Variants in GOLPH3 observed in about 807,000 individuals in gnomAD.
GOLPH3 encodes golgi phosphoprotein 3.
In GOLPH3, 14 loss-of-function variants were observed where a neutral mutation model predicts 28.5. That is an observed-to-expected ratio of 0.49 (90% CI 0.32 to 0.77). The LOEUF (loss-of-function observed/expected upper bound fraction) is 0.77, where lower values mean the gene tolerates loss of function less well. Ranked by LOEUF, GOLPH3 falls within the 30% of genes least tolerant of loss-of-function variation. The pLI is 0.03. For synonymous variants in GOLPH3, 158 were observed against 159.2 expected (o/e 0.99, Z 0.06); for missense variants, 350 against 393.7 (o/e 0.89, Z 0.94).
intron 3 of GOLPH3, among the ~76,000 whole-genome samples, chr5:32,131,865 A>C (rs1276859957): frequency 6.6e-6 from 1 of 152,248 alleles, no homozygotes; most frequent in African/African-American, 2.4e-5. Context: ...AGCTTTGGCC[A>C]TAAATTTGGC....
chr5:32,146,842 A>G (rs2111862412), intron 1 of GOLPH3, among the ~76,000 whole-genome samples: 1 of 152,300 alleles, frequency 6.6e-6, no homozygotes, highest in East Asian at 1.9e-4. Context: ...CCTGGGCCAT[A>G]CTGGAAGAAT....
rs566002105 is a variant in GOLPH3, at chr5:32,174,067, G to A, written c.-33C>T. ...GCCGAGGCGCCGAGCCGGGCCGAGA[G>A]GGTCGCAGGACCGACCGGGTCGCCC... is the stretch of plus-strand genomic sequence containing the variant. On this transcript the variant is annotated 5_prime_UTR_variant, in exon 1 of 4. Coordinates refer to ENST00000265070, the MANE Select transcript of GOLPH3 (RefSeq NM_022130.4). The A allele has an allele frequency of 2.4e-6, 3 of 1,268,268 alleles. No individual in the cohort carries two copies. Among genetic ancestry groups the A allele is most frequent in the African/African-American group, 1.6e-5 (1 of 64,248 alleles). 78.6% of individuals were successfully genotyped at this position (1,268,268 alleles called of 1,614,324 possible).
chr5:32,163,077 CAAAAATA>C (rs1162259285), intron 1 of GOLPH3, among the ~76,000 whole-genome samples: 2 of 152,068 alleles, frequency 1.3e-5, no homozygotes, highest in Non-Finnish European at 2.9e-5. Flanking sequence ...GACTCCGTCT[CAAAAATA>C]AAAAATAAAA....
intron 1 of GOLPH3, among the ~76,000 whole-genome samples, chr5:32,163,617 C>T (rs1746642186): frequency 6.6e-6 from 1 of 152,156 alleles, no homozygotes. Flanking sequence ...CATGCCACTG[C>T]ACTCCAGTCT....
intron 1 of GOLPH3, among the ~76,000 whole-genome samples, chr5:32,159,012 G>A (rs1174341756): frequency 1.3e-5 from 2 of 152,232 alleles, no homozygotes; most frequent in African/African-American, 4.8e-5. Flanking sequence ...TAATGGAACT[G>A]AGGCTCAGAG....
chr5:32,170,710 G>T (rs570673498), intron 1 of GOLPH3, among the ~76,000 whole-genome samples: 1 of 152,096 alleles, frequency 6.6e-6, no homozygotes, highest in East Asian at 1.9e-4. Context: ...TACTCAGGGC[G>T]GATCACTTGA....
chr5:32,139,682 GCTT>G (rs1168711412), intron 2 of GOLPH3, among the ~76,000 whole-genome samples: 2 of 152,136 alleles, frequency 1.3e-5, no homozygotes, highest in Non-Finnish European at 2.9e-5. Flanking sequence ...TTTTTATTTA[GCTT>G]CTTTTTTTGG....
In GOLPH3 at chr5:32,128,569, G is replaced by A. The variant is rs528833808; in HGVS notation, c.473-1933C>T. On this transcript the variant is annotated intron_variant, in intron 3 of 3. Transcript: ENST00000265070. ...AGCTACTCGGACGGCTGAGGCAGGA[G>A]AATCATTTAAACCGGGGGAGGGCAG... is the stretch of plus-strand genomic sequence containing the variant. 3.3e-5 allele frequency among the ~76,000 whole-genome samples: 5 copies of A among 152,248 alleles called. No individual in the cohort carries two copies. The South Asian group carries it at 8.3e-4, about 25-fold the overall frequency.
At chr5:32,170,707 G>C (rs1179775413) in intron 1 of GOLPH3, among the ~76,000 whole-genome samples, 4 of 151,998 alleles carry the variant, frequency 2.6e-5, no homozygotes, top group Admixed American at 1.3e-4. Context: ...AGCTACTCAG[G>C]GCGGATCACT....
At position 32,158,127 on chromosome 5, in the gene GOLPH3, TA is replaced by T. The variant is rs1379826912; in HGVS notation, c.226-14248del. Among the ~76,000 whole-genome samples, 54 of 31,634 alleles carry T rather than the reference TA, an allele frequency of 1.7e-3. 1 individual carries two copies. The highest frequency in any genetic ancestry group is 3.4e-3 in the African/African-American group (27 of 8,054). The allele number at this position is 31,634 out of a possible 152,430, so 20.8% of individuals were successfully genotyped here. ...ATAAATAAATAAATAAATAAATAAATAAAATACACACACACACACACACACA... is the reference window on the plus strand; with the variant it reads ...ATAAATAAATAAATAAATAAATAAATAAATACACACACACACACACACACA... On this transcript the variant is annotated intron_variant, in intron 1 of 3. Transcript: ENST00000265070.
chr5:32,140,738 T>C (rs1263105129), intron 2 of GOLPH3, among the ~76,000 whole-genome samples: 1 of 148,400 alleles, frequency 6.7e-6, no homozygotes, highest in Non-Finnish European at 1.5e-5. Flanking sequence ...AAAGCAGAGG[T>C]TGCAGTGAAC....
At chr5:32,149,400 T>C (rs1278639981) in intron 1 of GOLPH3, among the ~76,000 whole-genome samples, 1 of 152,214 alleles carries the variant, frequency 6.6e-6, no homozygotes, top group Non-Finnish European at 1.5e-5. Flanking sequence ...ATGAGCTTTC[T>C]TTTGGAAGTG....
chr5:32,151,459 A>G (rs1260661571), intron 1 of GOLPH3, among the ~76,000 whole-genome samples: 1 of 152,210 alleles, frequency 6.6e-6, no homozygotes, highest in Non-Finnish European at 1.5e-5. Flanking sequence ...GCAATGAGCT[A>G]TAATTGCACT....
chr5:32,141,328 CACA>C (rs776190936), intron 2 of GOLPH3, among the ~76,000 whole-genome samples: 28 of 152,180 alleles, frequency 1.8e-4, no homozygotes, highest in Non-Finnish European at 3.4e-4. Flanking sequence ...GCTCAAGAAA[CACA>C]ACAACAAACT....
In GOLPH3 at chr5:32,163,726, GAGA is replaced by G; in HGVS notation, c.225+10081_225+10083del. On this transcript the variant is annotated intron_variant, in intron 1 of 3. Transcript: ENST00000265070. ...TCTGGCAAAGGGAATGAATGGCACA[GAGA>G]AGCTGTTCAATACTTGGATTAAACG... is the stretch of plus-strand genomic sequence containing the variant. Among the ~76,000 whole-genome samples the G allele has an allele frequency of 1.3e-5, 2 of 152,136 alleles. 1 individual carries two copies. Among genetic ancestry groups the G allele is most frequent in the South Asian group, 4.1e-4 (2 of 4,820 alleles).
chr5:32,139,750 A>C (rs974054590), intron 2 of GOLPH3, among the ~76,000 whole-genome samples: 2 of 152,240 alleles, frequency 1.3e-5, no homozygotes, highest in Admixed American at 1.3e-4. Flanking sequence ...ACGTGAAAGA[A>C]AGCTTCCAAC....
Position 32,126,004 on chromosome 5 carries a change from TA to T in GOLPH3, c.*207del. The stretch of plus-strand genomic sequence containing the variant: ...AGGGAATGGAATGCCAATATGGCAG[TA>T]AAACTTTTTTTAAAAACAGAAAGAG... On this transcript the variant is annotated 3_prime_UTR_variant, in exon 4 of 4. Transcript: ENST00000265070. 4.0e-6 allele frequency: 2 copies of T among 506,280 alleles called. No individual in the cohort carries two copies. Among genetic ancestry groups the T allele is most frequent in the Non-Finnish European group, 3.4e-6 (1 of 292,560 alleles). The allele number at this position is 506,280 out of a possible 1,614,324, so 31.4% of individuals were successfully genotyped here.
intron 3 of GOLPH3, among the ~76,000 whole-genome samples, chr5:32,127,477 G>A (rs1007237176): frequency 6.6e-6 from 1 of 152,118 alleles, no homozygotes; most frequent in South Asian, 2.1e-4. Flanking sequence ...TTCTAATACT[G>A]AGAGAAAACC....
intron 3 of GOLPH3, among the ~76,000 whole-genome samples, chr5:32,129,534 T>C (rs541532218): frequency 5.2e-4 from 79 of 152,300 alleles, no homozygotes; most frequent in African/African-American, 1.8e-3. Context: ...ATAACATTCA[T>C]AATATATTAC....
Sources: gnomAD v4.1 joint callset for allele counts (sites outside exome capture counted in the v4.1 genomes callset) on GRCh38, gnomAD v4.1.1 for gene constraint, MANE v1.5 for transcripts, NCBI Gene and HGNC (gene_info 2026-07-23, HGNC 2026-07-21) for gene names.